SH3TC1: variants seen among roughly 807,000 people sequenced by gnomAD.
SH3TC1 encodes SH3 domain and tetratricopeptide repeats 1.
Under a neutral mutation model 117.3 loss-of-function variants are expected in SH3TC1, and 135 were observed. The ratio of observed to expected loss-of-function variants is 1.15; its 90% CI spans 1.00 to 1.33. The LOEUF is 1.33. Ranked by LOEUF, SH3TC1 falls within the 40% of genes most tolerant of loss-of-function variation. The pLI is 0.00. For missense variants in SH3TC1, 2,092 were observed against 1,794.3 expected (o/e 1.17, Z -3.00); for synonymous variants, 898 against 816.9 (o/e 1.10, Z -1.69).
chr4:8,220,334 C>T (rs1456795035), intron 9 of SH3TC1, among the ~76,000 whole-genome samples: 2 of 152,130 alleles, frequency 1.3e-5, no homozygotes, highest in Non-Finnish European at 2.9e-5. Context: ...GATGCCCCCT[C>T]TCCCTGAACC....
At chr4:8,219,291 C>G (rs1010971584) in intron 8 of SH3TC1, 44 bp from the exon 9 acceptor site, 1 of 1,505,680 alleles carries the variant, frequency 6.6e-7, no homozygotes, top group Non-Finnish European at 8.9e-7. Context: ...GCTCTGGCCC[C>G]CATTTGGTCT....
rs563709491 is a variant in SH3TC1, at chr4:8,240,290, G to C, written c.3754-408G>C. On this transcript the variant is annotated intron_variant, in intron 17 of 17. Coordinates refer to ENST00000245105, the MANE Select transcript of SH3TC1 (RefSeq NM_018986.5). Reference sequence around the variant, plus strand: ...TTTTATACCTGGCCCGGCCCATGGAGGGCCTGGAAATGGTCAGCATGGACA... The same window carrying C: ...TTTTATACCTGGCCCGGCCCATGGACGGCCTGGAAATGGTCAGCATGGACA... Among the ~76,000 whole-genome samples, 3 of 152,340 alleles carry C rather than the reference G, an allele frequency of 2.0e-5. No individual in the cohort carries two copies. The South Asian group carries it at 6.2e-4, about 32-fold the overall frequency.
In SH3TC1 at chr4:8,210,443, C is replaced by T. The variant is rs1212321134; in HGVS notation, c.247+621C>T. On this transcript the variant is annotated intron_variant, in intron 3 of 17. Coordinates refer to ENST00000245105, the MANE Select transcript of SH3TC1 (RefSeq NM_018986.5). This position sits in a 1 kb window ranked among gnomAD's most constrained non-coding sequence, Gnocchi z 4.1. ...ACTGCTGGTGGCCACTCGGGATGACCAGGACGCATTAGGCAATAGGACCGT... is the reference window on the plus strand; with the variant it reads ...ACTGCTGGTGGCCACTCGGGATGACTAGGACGCATTAGGCAATAGGACCGT... Among the ~76,000 whole-genome samples, 1 of 152,228 alleles carries T rather than the reference C, an allele frequency of 6.6e-6. No individual in the cohort carries two copies. Among genetic ancestry groups the T allele is most frequent in the Non-Finnish European group, 1.5e-5 (1 of 68,032 alleles).
intron 1 of SH3TC1, among the ~76,000 whole-genome samples, chr4:8,189,407 G>A (rs1016241849): frequency 3.3e-5 from 5 of 152,254 alleles, no homozygotes; most frequent in Admixed American, 1.3e-4. Context: ...CCGGGCCGGC[G>A]GCCGGGGTAG....
rs2152982369 is a variant in SH3TC1, at chr4:8,210,591, G to A, written c.247+769G>A. On this transcript the variant is annotated intron_variant, in intron 3 of 17. Coordinates refer to ENST00000245105, the MANE Select transcript of SH3TC1 (RefSeq NM_018986.5). This position sits in a 1 kb window ranked among gnomAD's most constrained non-coding sequence, Gnocchi z 4.1. ...GTTCAAGATCAGCCTGGCCCATATGGTGAAACCCCATCTCTACTAAAAATA... is the reference window on the plus strand; with the variant it reads ...GTTCAAGATCAGCCTGGCCCATATGATGAAACCCCATCTCTACTAAAAATA... Among the ~76,000 whole-genome samples the A allele has an allele frequency of 1.3e-5, 2 of 152,194 alleles. 1 individual carries two copies. The highest frequency in any genetic ancestry group is 4.8e-5 in the African/African-American group (2 of 41,518).
In SH3TC1 at chr4:8,222,950, T is replaced by A; in HGVS notation, c.1223T>A (p.Val408Asp). Residue 408 changes from valine to aspartate, a missense_variant, in exon 10 of 18, where the codon GTC (valine) becomes GAC (aspartate). Transcript: ENST00000245105. ...QLLRRMSGTDVCSVYSLDSVE... is the reference protein window; with the variant it reads ...QLLRRMSGTDDCSVYSLDSVE... ...CTGAGGCGGATGTCGGGCACCGATG[T>A]CTGCAGCGTGTACAGCCTGGGTGCG... is the stretch of plus-strand genomic sequence containing the variant. 6.2e-7 allele frequency: 1 copy of A among 1,612,480 alleles called. No individual in the cohort carries two copies. The highest frequency in any genetic ancestry group is 8.5e-7 in the Non-Finnish European group (1 of 1,179,780).
At chr4:8,221,714 G>A (rs1201851186) in intron 9 of SH3TC1, among the ~76,000 whole-genome samples, 1 of 152,128 alleles carries the variant, frequency 6.6e-6, no homozygotes, top group African/African-American at 2.4e-5. Context: ...CAGTACAACT[G>A]TCGAAATCAG....
intron 1 of SH3TC1, among the ~76,000 whole-genome samples, chr4:8,189,349 G>A (rs1184739726): frequency 6.6e-6 from 1 of 152,278 alleles, no homozygotes; most frequent in African/African-American, 2.4e-5. Flanking sequence ...CCAGTCCCAG[G>A]AGGGGCGGAG....
chr4:8,207,833 G>A (rs536738829), intron 2 of SH3TC1, among the ~76,000 whole-genome samples: 1 of 152,254 alleles, frequency 6.6e-6, no homozygotes, highest in South Asian at 2.1e-4. Context: ...CCACAGCCCC[G>A]TGTTTCCAGG....
At position 8,236,265 on chromosome 4, in the gene SH3TC1, G is replaced by A; in HGVS notation, c.3406-13G>A. 1 of 1,541,408 alleles carries A rather than the reference G, an allele frequency of 6.5e-7. No individual in the cohort carries two copies. The highest frequency in any genetic ancestry group is 1.2e-5 in the South Asian group (1 of 83,428). Reference sequence around the variant, plus strand: ...TGCTGCGGGAAGCCTGACCCCACCTGCCTGTGTGGCAGGACCGGGCCCTGC... The same window carrying A: ...TGCTGCGGGAAGCCTGACCCCACCTACCTGTGTGGCAGGACCGGGCCCTGC... On this transcript the variant is annotated splice_polypyrimidine_tract_variant and intron_variant, in intron 15 of 17. Transcript: ENST00000245105.
rs567953146 is a variant in SH3TC1, at chr4:8,233,260, C to T, written c.3132-103C>T. 10 of 1,490,698 alleles carry T rather than the reference C, an allele frequency of 6.7e-6. No homozygotes were observed. In the Admixed American group the frequency reaches 1.9e-4, roughly 28 times the overall value. 92.3% of individuals were successfully genotyped at this position (1,490,698 alleles called of 1,614,324 possible). ...ACACTGCACACACAAGAGGGCCGTT[C>T]CCAGTCCCATTCCAGATTCATCTGT... On this transcript the variant is annotated intron_variant, in intron 13 of 17. Coordinates refer to ENST00000245105, the MANE Select transcript of SH3TC1 (RefSeq NM_018986.5).
Position 8,237,470 on chromosome 4 carries a change from C to T in SH3TC1, c.3557-4C>T, listed in dbSNP as rs532965745. 19 of 1,555,654 alleles carry T rather than the reference C, an allele frequency of 1.2e-5. No homozygotes were observed. Among genetic ancestry groups the T allele is most frequent in the Admixed American group, 7.3e-5 (4 of 54,996 alleles). The stretch of plus-strand genomic sequence containing the variant: ...CACACCTGCCCCCTTGGCCTGCACC[C>T]CAGGGGACCGGCTGAACGAGCGCGT... On this transcript the variant is annotated splice_polypyrimidine_tract_variant and splice_region_variant and intron_variant, in intron 16 of 17. Coordinates refer to ENST00000245105, the MANE Select transcript of SH3TC1 (RefSeq NM_018986.5).
rs1422950205 is a variant in SH3TC1 at position 8,183,264 on chromosome 4, C to T, written c.-57+1054C>T. Among the ~76,000 whole-genome samples the T allele has an allele frequency of 6.6e-6, 1 of 152,176 alleles. No individual in the cohort carries two copies. The highest frequency in any genetic ancestry group is 1.5e-5 in the Non-Finnish European group (1 of 68,028). ...CTCCCCCTCGTTTACAGAGGAAGGCCGGCGCTCAAGGTGGCAGGACTGGCT... is the reference window on the plus strand; with the variant it reads ...CTCCCCCTCGTTTACAGAGGAAGGCTGGCGCTCAAGGTGGCAGGACTGGCT... On this transcript the variant is annotated intron_variant, in intron 1 of 16. Transcript: ENST00000508641. This position sits in a 1 kb window ranked among gnomAD's most constrained non-coding sequence, Gnocchi z 5.4.
chr4:8,198,943 G>A (rs919228581), upstream of SH3TC1, among the ~76,000 whole-genome samples: 2 of 151,650 alleles, frequency 1.3e-5, no homozygotes, highest in East Asian at 1.9e-4. Flanking sequence ...GCAGGCATGC[G>A]TGTGTGTGTG....
Position 8,205,150 on chromosome 4 carries a change from A to AC in SH3TC1, c.-28-12dup, listed in dbSNP as rs1718093294. 6 of 1,458,124 alleles carry AC rather than the reference A, an allele frequency of 4.1e-6. No homozygotes were observed. Among genetic ancestry groups the AC allele is most frequent in the African/African-American group, 1.4e-5 (1 of 69,552 alleles). The allele number at this position is 1,458,124 out of a possible 1,614,324, so 90.3% of individuals were successfully genotyped here. A position where few individuals can be genotyped will look rare whatever the true frequency, so the allele number is the denominator to read the frequency against. Reference sequence around the variant, plus strand: ...TGGAGGGGCCACCTCTCCTGACCACACCCCCTCTGTCCACAGGGCCAGGCA... The same window carrying AC: ...TGGAGGGGCCACCTCTCCTGACCACACCCCCCTCTGTCCACAGGGCCAGGCA... On this transcript the variant is annotated splice_polypyrimidine_tract_variant and intron_variant, in intron 1 of 17. Coordinates refer to ENST00000245105, the MANE Select transcript of SH3TC1 (RefSeq NM_018986.5). The surrounding 1 kb of genome is among the most constrained non-coding windows in gnomAD (Gnocchi z 5.4).
intron 9 of SH3TC1, among the ~76,000 whole-genome samples, chr4:8,219,796 G>A (rs754994872): frequency 3.9e-5 from 6 of 152,214 alleles, no homozygotes; most frequent in Non-Finnish European, 8.8e-5. Context: ...CGTGGCTACC[G>A]TGATAAGGCA....
At chr4:8,214,837 C>G (rs916024330) in intron 5 of SH3TC1, among the ~76,000 whole-genome samples, 2 of 152,182 alleles carry the variant, frequency 1.3e-5, no homozygotes, top group African/African-American at 4.8e-5. Context: ...GTACGAGCTA[C>G]CATGCCCAGC....
rs756001440 is a variant in SH3TC1, at chr4:8,218,329, C to G, written c.898C>G (p.Pro300Ala). The change falls in exon 8 of 18, where the codon CCC (proline) becomes GCC (alanine). Residue 300 changes from proline to alanine, a missense_variant. Pro to Ala is a conservative substitution (Grantham distance 27, BLOSUM62 -1). Transcript: ENST00000245105. Reference sequence around the variant, plus strand: ...CGATGCCATGGGTGGCCCTGTGATGCCCGGCAACCCGCTGATGGGTAAGTG... The same window carrying G: ...CGATGCCATGGGTGGCCCTGTGATGGCCGGCAACCCGCTGATGGGTAAGTG... ...IDDAMGGPVM[P>A]GNPLMAVGLA... 7 of 1,611,180 alleles carry G rather than the reference C, an allele frequency of 4.3e-6. No homozygotes were observed. In the South Asian group the frequency reaches 5.5e-5, roughly 13 times the overall value.
intron 14 of SH3TC1, among the ~76,000 whole-genome samples, chr4:8,234,474 CCCATCCAT>C (rs750828386): frequency 6.9e-5 from 7 of 100,910 alleles, no homozygotes; most frequent in African/African-American, 1.8e-4. Context: ...CATCATTCAA[CCCATCCAT>C]CCATCCATCC....
Sources: allele counts gnomAD v4.1 joint callset (sites outside exome capture counted in the v4.1 genomes callset), GRCh38; gene constraint gnomAD v4.1.1; non-coding constraint Gnocchi (gnomAD v3.1); transcripts MANE v1.5; gene names NCBI Gene and HGNC (gene_info 2026-07-23, HGNC 2026-07-21).